Variants in CCDC171 observed in about 807,000 individuals in gnomAD.
The protein encoded by CCDC171 is coiled-coil domain-containing protein 171.
In CCDC171, 177 loss-of-function variants were observed where a neutral mutation model predicts 168.2. The ratio of observed to expected loss-of-function variants is 1.05; its 90% CI spans 0.93 to 1.19. CCDC171 has a LOEUF of 1.19. CCDC171 is among the 50% of genes most tolerant of loss of function. The pLI is 0.00. For synonymous variants in CCDC171, 687 were observed against 540.8 expected (o/e 1.27, Z -3.75); for missense variants, 1,991 against 1,539.0 (o/e 1.29, Z -4.91).
At chr9:15,664,694 G>GTTTTT (rs71325927) in intron 8 of CCDC171, among the ~76,000 whole-genome samples, 47 of 99,490 alleles carry the variant, frequency 4.7e-4, no homozygotes, top group African/African-American at 9.0e-4. Flanking sequence ...ATATAGTTTT[G>GTTTTT]TTTTTTTTTT....
chr9:15,931,201 C>G (rs1316427779), intron 25 of CCDC171, among the ~76,000 whole-genome samples: 1 of 151,726 alleles, frequency 6.6e-6, no homozygotes, highest in Non-Finnish European at 1.5e-5. Context: ...TACAACCCTA[C>G]CAACAGTGTG....
In CCDC171 at chr9:15,623,409, T is replaced by A. The variant is rs552430827; in HGVS notation, c.818T>A (p.Phe273Tyr). The A allele has an allele frequency of 2.5e-6, 4 of 1,604,846 alleles. No individual in the cohort carries two copies. The highest frequency in any genetic ancestry group is 3.4e-6 in the Non-Finnish European group (4 of 1,175,780). ...TQREERLRKE[F>Y]EATTLRVRKL... ...CGAGAGGAACGCCTTAGAAAAGAAT[T>A]TGAGGTACATTTTCTCATTCCTTTA... The change falls in exon 7 of 26, where the codon TTT becomes TAT. Residue 273 changes from phenylalanine to tyrosine, a missense_variant. By Grantham distance (22) the Phe-to-Tyr change is conservative. Coordinates refer to ENST00000380701, the MANE Select transcript of CCDC171 (RefSeq NM_173550.4).
At chr9:15,872,292 T>G (rs927083819) in intron 23 of CCDC171, among the ~76,000 whole-genome samples, 7 of 152,026 alleles carry the variant, frequency 4.6e-5, no homozygotes, top group African/African-American at 1.7e-4. Flanking sequence ...ACCAAAAATA[T>G]TGAAATGACA....
upstream of CCDC171, chr9:15,552,938 C>T (rs2038454714): frequency 6.6e-6 from 1 of 152,198 alleles, no homozygotes; most frequent in Admixed American, 6.5e-5. Context: ...CGGGCTCTTC[C>T]AATCCGAGCC....
At chr9:15,768,848 A>G (rs1403125791) in intron 18 of CCDC171, among the ~76,000 whole-genome samples, 3 of 152,148 alleles carry the variant, frequency 2.0e-5, no homozygotes, top group Non-Finnish European at 4.4e-5. Context: ...GCAGTGCTTG[A>G]TGTGTCACCT....
intron 7 of CCDC171, among the ~76,000 whole-genome samples, chr9:15,631,320 G>T (rs200931271): frequency 7.9e-5 from 12 of 151,706 alleles, no homozygotes; most frequent in African/African-American, 1.2e-4. Context: ...ATAGATGCAA[G>T]AAAAAATGAT....
intron 24 of CCDC171, among the ~76,000 whole-genome samples, chr9:15,903,870 G>A (rs925525202): frequency 2.6e-5 from 4 of 152,194 alleles, no homozygotes; most frequent in East Asian, 1.9e-4. Flanking sequence ...CGAGAGGTAC[G>A]TGACGAATGC....
chr9:15,563,472 G>A (rs2039479703), intron 1 of CCDC171, among the ~76,000 whole-genome samples: 1 of 152,008 alleles, frequency 6.6e-6, no homozygotes, highest in East Asian at 1.9e-4. Flanking sequence ...GGTTTTCTTG[G>A]TAGAAAAATG....
At chr9:15,777,055 T>C (rs2057365985) in intron 18 of CCDC171, among the ~76,000 whole-genome samples, 1 of 152,196 alleles carries the variant, frequency 6.6e-6, no homozygotes, top group African/African-American at 2.4e-5. Context: ...TTTATCAACA[T>C]TAAACACAAT....
intron 21 of CCDC171, among the ~76,000 whole-genome samples, chr9:15,786,297 A>G (rs112744785): frequency 0.014 from 2,067 of 152,260 alleles, 63 homozygotes; most frequent in African/African-American, 0.046. Context: ...TTACCAACCG[A>G]TATGACTGTG....
intron 23 of CCDC171, among the ~76,000 whole-genome samples, chr9:15,861,686 G>T (rs1005115379): frequency 1.2e-4 from 5 of 40,108 alleles, no homozygotes; most frequent in African/African-American, 2.6e-4. Context: ...TTACTATATG[G>T]TGTATTCATT....
intron 1 of CCDC171, among the ~76,000 whole-genome samples, chr9:16,049,726 G>T (rs1000383510): frequency 6.6e-6 from 1 of 152,058 alleles, no homozygotes; most frequent in South Asian, 2.1e-4. Context: ...CTTGCAGATG[G>T]CCTGTCATGG....
At chr9:15,910,793 G>A (rs1823514324) in intron 24 of CCDC171, among the ~76,000 whole-genome samples, 1 of 151,960 alleles carries the variant, frequency 6.6e-6, no homozygotes, top group South Asian at 2.1e-4. Context: ...GAGAAAGTGG[G>A]GTGTTTGGTT....
At chr9:15,755,945 G>A (rs1474223173) in intron 18 of CCDC171, among the ~76,000 whole-genome samples, 1 of 152,212 alleles carries the variant, frequency 6.6e-6, no homozygotes, top group Non-Finnish European at 1.5e-5. Context: ...TGGGCAAACT[G>A]TATGATGTTT....
downstream of CCDC171, among the ~76,000 whole-genome samples, chr9:16,062,033 A>G (rs1260222001): frequency 1.3e-5 from 2 of 152,198 alleles, no homozygotes; most frequent in African/African-American, 4.8e-5. Context: ...GAATTGTACA[A>G]TTCACTGTCT....
In CCDC171 at chr9:15,816,137, T is replaced by C. The variant is rs1379279049; in HGVS notation, c.3268-30565T>C. ...CCTTTTTTCAAAGTGTATGTTCTCA[T>C]ACATAATTTTAAAAACGTTTTTTCA... On this transcript the variant is annotated intron_variant, in intron 21 of 25. Coordinates refer to ENST00000380701, the MANE Select transcript of CCDC171 (RefSeq NM_173550.4). Among the ~76,000 whole-genome samples, 2 of 117,950 alleles carry C rather than the reference T, an allele frequency of 1.7e-5. 1 individual carries two copies. The highest frequency in any genetic ancestry group is 6.3e-5 in the African/African-American group (2 of 31,774). The allele number at this position is 117,950 out of a possible 152,430, so 77.4% of individuals were successfully genotyped here.
At chr9:15,799,943 A>G (rs2058740198) in intron 21 of CCDC171, among the ~76,000 whole-genome samples, 1 of 152,118 alleles carries the variant, frequency 6.6e-6, no homozygotes. Flanking sequence ...GTTGTTGCAA[A>G]TGACAAGATC....
chr9:15,883,842 TTTA>T (rs2131374035), intron 24 of CCDC171, among the ~76,000 whole-genome samples: 1 of 152,316 alleles, frequency 6.6e-6, no homozygotes, highest in Non-Finnish European at 1.5e-5. Flanking sequence ...AGTTTTGTTG[TTTA>T]TTATTCCTTT....
Position 15,777,615 on chromosome 9 carries a change from T to C in CCDC171, c.2687T>C (p.Ile896Thr), listed in dbSNP as rs932097047. The change falls in exon 19 of 26, where the codon ATT becomes ACT. Residue 896 changes from isoleucine to threonine, a missense_variant. By Grantham distance (89) the Ile-to-Thr change is moderately conservative (BLOSUM62 -1). Transcript: ENST00000380701. Reference protein sequence around the residue: ...VIGKADPNSRICGHLLIGAAK... With the variant: ...VIGKADPNSRTCGHLLIGAAK... Reference sequence around the variant, plus strand: ...TTCTTTGAAGATCCAAATTCCAGAATTTGTGGACATTTACTCATAGGTGCA... The same window carrying C: ...TTCTTTGAAGATCCAAATTCCAGAACTTGTGGACATTTACTCATAGGTGCA... 5.0e-6 allele frequency: 8 copies of C among 1,598,350 alleles called. No individual in the cohort carries two copies. Among genetic ancestry groups the C allele is most frequent in the Non-Finnish European group, 6.8e-6 (8 of 1,176,190 alleles).
Sources: gnomAD v4.1 joint callset for allele counts (sites outside exome capture counted in the v4.1 genomes callset) on GRCh38, gnomAD v4.1.1 for gene constraint, MANE v1.5 for transcripts, NCBI Gene and HGNC (gene_info 2026-07-23, HGNC 2026-07-21) for gene names.